Variants in LRRN2 observed in about 807,000 individuals in gnomAD.
LRRN2 encodes the protein leucine rich repeat neuronal 2, also known as leucine-rich repeat neuronal protein 2.
In LRRN2, 10 loss-of-function variants were observed where a neutral mutation model predicts 35.7. The observed-to-expected ratio is 0.28, with a 90% CI of 0.17 to 0.47. LRRN2 has a LOEUF of 0.47. Among genes scored for constraint, LRRN2 ranks in the 20% least tolerant of loss-of-function variants. The pLI, the probability that LRRN2 is intolerant of heterozygous loss-of-function variation, is 0.99. For synonymous variants in LRRN2, 391 were observed against 409.6 expected (o/e 0.95, Z 0.55); for missense variants, 731 against 940.3 (o/e 0.78, Z 2.91).
chr1:204,668,479 C>T (rs1379341847), intron 1 of LRRN2, among the ~76,000 whole-genome samples: 3 of 152,158 alleles, frequency 2.0e-5, no homozygotes, highest in African/African-American at 7.2e-5. Context: ...CCTGTGGACC[C>T]AGCTACTTGG....
chr1:204,643,070 G>GGCCA (rs1668018428), intron 1 of LRRN2, among the ~76,000 whole-genome samples: 1 of 152,064 alleles, frequency 6.6e-6, no homozygotes, highest in Non-Finnish European at 1.5e-5. Context: ...CTCTCACTTT[G>GGCCA]GTCAGTGCTT....
At position 204,619,273 on chromosome 1, in the gene LRRN2, C is replaced by T. The variant is rs748128766; in HGVS notation, c.720G>A (p.Glu240=). 13 of 1,614,082 alleles carry T rather than the reference C, an allele frequency of 8.1e-6. No individual in the cohort carries two copies. The Admixed American group carries it at 2.2e-4, about 27-fold the overall frequency. The part of the protein sequence containing the change: ...DYALEGLQSL[E]SLSFYDNQLA... ...GCTGGTTGTCATAGAAGGAGAGGCT[C>T]TCCAGGCTTTGCAGCCCCTCCAGGG... The change falls in exon 2 of 2, where the codon GAG becomes GAA. Residue 240 remains glutamate, a synonymous_variant. Coordinates refer to ENST00000367177, the MANE Select transcript of LRRN2 (RefSeq NM_201630.2).
chr1:204,634,045 A>T (rs1667772930), intron 1 of LRRN2, among the ~76,000 whole-genome samples: 1 of 152,266 alleles, frequency 6.6e-6, no homozygotes, highest in South Asian at 2.1e-4. Context: ...AACAGGCATA[A>T]TTCAATGACT....
chr1:204,669,207 C>G (rs949733396), intron 1 of LRRN2, among the ~76,000 whole-genome samples: 2 of 152,160 alleles, frequency 1.3e-5, no homozygotes, highest in African/African-American at 4.8e-5. Context: ...ACTGGAAACT[C>G]AAAGTGAATG....
intron 1 of LRRN2, among the ~76,000 whole-genome samples, chr1:204,642,586 A>G (rs1041707293): frequency 6.6e-6 from 1 of 152,218 alleles, no homozygotes; most frequent in Non-Finnish European, 1.5e-5. Context: ...TCCACCCTCT[A>G]TGCTCCACCA....
At chr1:204,681,700 G>A (rs1668959383) in intron 1 of LRRN2, among the ~76,000 whole-genome samples, 1 of 152,200 alleles carries the variant, frequency 6.6e-6, no homozygotes, top group South Asian at 2.1e-4. Context: ...ATAAGCAAAT[G>A]CCTGATTGAG....
chr1:204,667,529 G>A (rs773233499), intron 1 of LRRN2, among the ~76,000 whole-genome samples: 7 of 152,034 alleles, frequency 4.6e-5, no homozygotes, highest in Non-Finnish European at 7.4e-5. Context: ...TACTACATGC[G>A]GGACACTGGG....
chr1:204,631,887 C>G (rs534936472), intron 1 of LRRN2, among the ~76,000 whole-genome samples: 1 of 152,226 alleles, frequency 6.6e-6, no homozygotes, highest in African/African-American at 2.4e-5. Flanking sequence ...GCAGAATGGT[C>G]TGGACACAAT....
At chr1:204,677,188 T>C (rs1462715977) in intron 1 of LRRN2, among the ~76,000 whole-genome samples, 1 of 152,208 alleles carries the variant, frequency 6.6e-6, no homozygotes, top group Non-Finnish European at 1.5e-5. Flanking sequence ...TCTGACCCAA[T>C]GCCAACTGAT....
rs117972232 is a variant in LRRN2 at position 204,644,237 on chromosome 1, G to A, written c.-226-24019C>T. On this transcript the variant is annotated intron_variant, in intron 1 of 1. Coordinates refer to ENST00000367177, the MANE Select transcript of LRRN2 (RefSeq NM_201630.2). ...CACATTCTACCAAATCCTCACACCT[G>A]GCCCCTTCTCCTCCATGAAGCTCTC... Among the ~76,000 whole-genome samples, 78 of 152,192 alleles carry A rather than the reference G, an allele frequency of 5.1e-4. No homozygotes were observed. The East Asian group carries it at 0.014, about 28-fold the overall frequency.
chr1:204,667,397 TA>T (rs1668596806), intron 1 of LRRN2, among the ~76,000 whole-genome samples: 1 of 152,150 alleles, frequency 6.6e-6, no homozygotes, highest in South Asian at 2.1e-4. Context: ...AACAACAATT[TA>T]AAAAATAGGG....
At chr1:204,675,423 G>A (rs1668803606) in intron 1 of LRRN2, among the ~76,000 whole-genome samples, 1 of 152,198 alleles carries the variant, frequency 6.6e-6, no homozygotes, top group Admixed American at 6.5e-5. Context: ...GTTTCTTTCT[G>A]GAGGCTGGAG....
At chr1:204,654,247 TAGA>T (rs1241572116) in intron 1 of LRRN2, among the ~76,000 whole-genome samples, 1 of 152,126 alleles carries the variant, frequency 6.6e-6, no homozygotes, top group Non-Finnish European at 1.5e-5. Context: ...GATTAAGAAT[TAGA>T]AGACCCAATT....
intron 1 of LRRN2, among the ~76,000 whole-genome samples, chr1:204,623,057 T>C (rs371916182): frequency 4.1e-4 from 62 of 152,096 alleles, no homozygotes; most frequent in Middle Eastern, 3.4e-3. Context: ...CTCCTAGGGC[T>C]CGATAAGTTA....
intron 1 of LRRN2, among the ~76,000 whole-genome samples, chr1:204,653,811 A>C (rs1311398442): frequency 6.7e-6 from 1 of 149,140 alleles, no homozygotes; most frequent in East Asian, 2.0e-4. Context: ...ACAGTGAGTT[A>C]GGGTAGTACC....
intron 1 of LRRN2, among the ~76,000 whole-genome samples, chr1:204,653,814 G>T (rs1668284619): frequency 6.7e-6 from 1 of 149,626 alleles, no homozygotes; most frequent in African/African-American, 2.5e-5. Context: ...GTGAGTTAGG[G>T]TAGTACCACT....
At chr1:204,682,649 T>G (rs1030249820) in intron 1 of LRRN2, among the ~76,000 whole-genome samples, 3 of 152,314 alleles carry the variant, frequency 2.0e-5, no homozygotes, top group Middle Eastern at 3.4e-3. Flanking sequence ...CATAGACTGG[T>G]GCATAATAGG....
At chr1:204,643,647 A>G (rs1668033747) in intron 1 of LRRN2, among the ~76,000 whole-genome samples, 1 of 152,048 alleles carries the variant, frequency 6.6e-6, no homozygotes, top group Middle Eastern at 3.2e-3. Flanking sequence ...GCGGTGATGG[A>G]GTGCCTTCCT....
At chr1:204,655,767 C>T (rs575901885) in intron 1 of LRRN2, among the ~76,000 whole-genome samples, 1 of 152,328 alleles carries the variant, frequency 6.6e-6, no homozygotes, top group East Asian at 1.9e-4. Context: ...GGCAGACTGA[C>T]AGACTCACAA....
Sources: gnomAD v4.1 joint callset for allele counts (sites outside exome capture counted in the v4.1 genomes callset) on GRCh38, gnomAD v4.1.1 for gene constraint, MANE v1.5 for transcripts, NCBI Gene and HGNC (gene_info 2026-07-23, HGNC 2026-07-21) for gene names.